FOXN3: variants seen among roughly 807,000 people sequenced by gnomAD.
FOXN3 encodes forkhead box protein N3.
FOXN3 carries 7 observed loss-of-function variants against 38.4 expected under a neutral mutation model. The ratio of observed to expected loss-of-function variants is 0.18; its 90% CI spans 0.10 to 0.34. The LOEUF is 0.34. Among genes scored for constraint, FOXN3 ranks in the 10% least tolerant of loss-of-function variants. The pLI is 1.00. For synonymous variants in FOXN3, 230 were observed against 242.2 expected (o/e 0.95, Z 0.47); for missense variants, 456 against 613.4 (o/e 0.74, Z 2.71).
At chr14:89,385,427 G>A (rs369112002) in intron 2 of FOXN3, among the ~76,000 whole-genome samples, 2 of 148,038 alleles carry the variant, frequency 1.4e-5, no homozygotes, top group Non-Finnish European at 1.5e-5. Flanking sequence ...ATTAATTATA[G>A]GTAAAGCCAT....
intron 2 of FOXN3, among the ~76,000 whole-genome samples, chr14:89,411,353 T>C (rs11626209): frequency 0.16 from 23,672 of 152,142 alleles, 2,161 homozygotes; most frequent in South Asian, 0.3. Flanking sequence ...AATTTCAAAG[T>C]TGTCACTTAT....
intron 1 of FOXN3, chr14:89,486,806 T>A (rs1893456270): frequency 6.6e-6 from 1 of 152,212 alleles, no homozygotes; most frequent in Non-Finnish European, 1.5e-5. Flanking sequence ...TAACAGTACC[T>A]CTTTATTTCT....
At chr14:89,363,239 C>G (rs1201056590) in intron 2 of FOXN3, among the ~76,000 whole-genome samples, 2 of 152,208 alleles carry the variant, frequency 1.3e-5, no homozygotes, top group African/African-American at 2.4e-5. Context: ...ACATCCCCAG[C>G]CTCTTAGAGG....
chr14:89,213,455 A>G lies in FOXN3; in HGVS notation c.746-32649T>C, dbSNP rs147188873. On this transcript the variant is annotated intron_variant, in intron 4 of 5. Coordinates refer to ENST00000557258, the MANE Select transcript of FOXN3 (RefSeq NM_005197.4). Reference sequence around the variant, plus strand: ...TAGGAAACTCGAAGATGGGTTTTGAATCGGTCACTCTAGTTTCCTTAGACC... The same window carrying G: ...TAGGAAACTCGAAGATGGGTTTTGAGTCGGTCACTCTAGTTTCCTTAGACC... Among the ~76,000 whole-genome samples the G allele has an allele frequency of 4.2e-4, 64 of 152,224 alleles. No homozygotes were observed. In the East Asian group the frequency reaches 8.9e-3, roughly 21 times the overall value.
At chr14:89,425,575 C>T (rs1282261326) in intron 1 of FOXN3, among the ~76,000 whole-genome samples, 4 of 149,758 alleles carry the variant, frequency 2.7e-5, no homozygotes, top group South Asian at 2.1e-4. Flanking sequence ...ATGTTGGCCA[C>T]GCTGGTCTCG....
At chr14:89,237,495 G>A (rs1293286147) in intron 4 of FOXN3, among the ~76,000 whole-genome samples, 2 of 151,170 alleles carry the variant, frequency 1.3e-5, no homozygotes, top group African/African-American at 2.4e-5. Flanking sequence ...ATTTATCATC[G>A]TAAATGATAG....
chr14:89,464,454 T>C (rs1892928161), intron 1 of FOXN3, among the ~76,000 whole-genome samples: 1 of 152,166 alleles, frequency 6.6e-6, no homozygotes, highest in Admixed American at 6.5e-5. Flanking sequence ...GCAGGAAAAC[T>C]TCCGAGTGGT....
chr14:89,397,835 A>G (rs1197163137), intron 2 of FOXN3, among the ~76,000 whole-genome samples: 1 of 152,178 alleles, frequency 6.6e-6, no homozygotes, highest in African/African-American at 2.4e-5. Flanking sequence ...TGTTAAAAAG[A>G]TGTAAGACCA....
intron 4 of FOXN3, among the ~76,000 whole-genome samples, chr14:89,233,918 C>T (rs1884899132): frequency 6.6e-6 from 1 of 152,244 alleles, no homozygotes; most frequent in Non-Finnish European, 1.5e-5. Context: ...TCACAATTGG[C>T]TGTACAGGTA....
In FOXN3 at chr14:89,591,840, A is replaced by G. The variant is rs192516204; in HGVS notation, c.-15+27188T>C. ...CCAAGGAGACTGAGGCAAGAGGGTC[A>G]CCTGAGCCCAGGAATTTGGGGTTAT... On this transcript the variant is annotated intron_variant, in intron 1 of 6. Transcript: ENST00000345097. Among the ~76,000 whole-genome samples, 385 of 152,298 alleles carry G rather than the reference A, an allele frequency of 2.5e-3. 4 individuals are homozygous for G. The highest frequency in any genetic ancestry group is 9.0e-3 in the African/African-American group (374 of 41,558).
chr14:89,234,796 T>C (rs1395719356), intron 4 of FOXN3, among the ~76,000 whole-genome samples: 1 of 152,106 alleles, frequency 6.6e-6, no homozygotes, highest in Non-Finnish European at 1.5e-5. Context: ...AGTCGAGCCC[T>C]ACACACCCCT....
chr14:89,418,833 C>A (rs1172983507), upstream of FOXN3, among the ~76,000 whole-genome samples: 1 of 152,148 alleles, frequency 6.6e-6, no homozygotes, highest in African/African-American at 2.4e-5. Context: ...TATTCTCCGC[C>A]AGAGGAACCA....
At chr14:89,581,353 G>A (rs959806652) in intron 1 of FOXN3, among the ~76,000 whole-genome samples, 3 of 152,096 alleles carry the variant, frequency 2.0e-5, no homozygotes, top group African/African-American at 7.2e-5. Context: ...ACGGTGGTGT[G>A]TGCCGGTAAT....
intron 4 of FOXN3, among the ~76,000 whole-genome samples, chr14:89,222,475 T>C (rs1422087050): frequency 6.6e-6 from 1 of 152,168 alleles, no homozygotes. Flanking sequence ...CTAATACAAG[T>C]GGACAGAGAA....
At chr14:89,348,102 G>A (rs1314760267) in intron 3 of FOXN3, among the ~76,000 whole-genome samples, 1 of 151,906 alleles carries the variant, frequency 6.6e-6, no homozygotes, top group Non-Finnish European at 1.5e-5. Context: ...AGTTCAGAGT[G>A]ACATTTGCCA....
rs117040511 is a variant in FOXN3 at position 89,334,271 on chromosome 14, G to A, written c.680+16401C>T. 9.1e-3 allele frequency among the ~76,000 whole-genome samples: 1,384 copies of A among 151,486 alleles called. 14 individuals are homozygous for A. The highest frequency in any genetic ancestry group is 0.045 in the South Asian group (216 of 4,788). On this transcript the variant is annotated intron_variant, in intron 3 of 5. Coordinates refer to ENST00000557258, the MANE Select transcript of FOXN3 (RefSeq NM_005197.4). ...GGTTGGGGAGTGAGGCGGGCTGGGG[G>A]AAACGAGATGATGTTGGTCAAAGGG...
chr14:89,519,500 TGG>T (rs2139819323), intron 1 of FOXN3, among the ~76,000 whole-genome samples: 2 of 152,146 alleles, frequency 1.3e-5, no homozygotes, highest in East Asian at 3.9e-4. Flanking sequence ...CTGCGTGTGG[TGG>T]AAACAGTGAA....
intron 2 of FOXN3, among the ~76,000 whole-genome samples, chr14:89,372,241 C>T (rs1421331415): frequency 6.6e-6 from 1 of 152,086 alleles, no homozygotes; most frequent in African/African-American, 2.4e-5. Context: ...TAATAATTTA[C>T]TATCCTGCAA....
chr14:89,613,116 CAAAAAAAAAAAAA>C (rs10581958), intron 1 of FOXN3, among the ~76,000 whole-genome samples: 73 of 74,612 alleles, frequency 9.8e-4, no homozygotes, highest in African/African-American at 4.4e-3. Flanking sequence ...GACTCTGTCT[CAAAAAAAAAAAAA>C]AAAAAAAAAA....
Sources: gnomAD v4.1 joint callset for allele counts (sites outside exome capture counted in the v4.1 genomes callset) on GRCh38, gnomAD v4.1.1 for gene constraint, MANE v1.5 for transcripts, NCBI Gene and HGNC (gene_info 2026-07-23, HGNC 2026-07-21) for gene names.